Variants in SLC26A4 observed in about 807,000 individuals in gnomAD.
SLC26A4 encodes the protein pendrin.
Under a neutral mutation model 90.4 loss-of-function variants are expected in SLC26A4, and 93 were observed. The observed-to-expected ratio is 1.03, with a 90% confidence interval of 0.87 to 1.22. The LOEUF (loss-of-function observed/expected upper bound fraction) is 1.22. Ranked by LOEUF, SLC26A4 falls within the 50% of genes most tolerant of loss-of-function variation. The pLI, the probability that SLC26A4 is intolerant of heterozygous loss-of-function variation, is 0.00. For synonymous variants in SLC26A4, 393 were observed against 354.6 expected (o/e 1.11, Z -1.22); for missense variants, 1,127 against 946.2 (o/e 1.19, Z -2.51).
chr7:107,693,518 G>A lies in SLC26A4; in HGVS notation c.1264-885G>A, dbSNP rs956717807. 10 of 985,314 alleles carry A rather than the reference G, an allele frequency of 1.0e-5. 1 individual carries two copies. The South Asian group carries it at 2.3e-4, about 23-fold the overall frequency. 61.0% of individuals were successfully genotyped at this position (985,314 alleles called of 1,614,324 possible). Reference sequence around the variant, plus strand: ...TGTTTCCTCTCTGATTGCTTTGCTTGTAGTTCCCTGTCTCCTTTTCTTCTT... The same window carrying A: ...TGTTTCCTCTCTGATTGCTTTGCTTATAGTTCCCTGTCTCCTTTTCTTCTT... On this transcript the variant is annotated intron_variant, in intron 10 of 20. Transcript: ENST00000644269.
At chr7:107,686,632 C>T (rs1030285771) in intron 8 of SLC26A4, among the ~76,000 whole-genome samples, 1 of 151,968 alleles carries the variant, frequency 6.6e-6, no homozygotes, top group Non-Finnish European at 1.5e-5. Context: ...GGACAACAGG[C>T]ACACACTGCC....
At chr7:107,667,460 TTAAAA>T (rs1790747410) in intron 3 of SLC26A4, among the ~76,000 whole-genome samples, 1 of 26,426 alleles carries the variant, frequency 3.8e-5, no homozygotes, top group Admixed American at 6.9e-4. Flanking sequence ...GAGAGAAGGT[TTAAAA>T]AAAAAAAAAA....
chr7:107,674,164 G>T lies in SLC26A4; in HGVS notation c.416G>T (p.Gly139Val), dbSNP rs756272252. The stretch of plus-strand genomic sequence containing the variant: ...ATTGTTAGAGACTTTTTTTCCCCAG[G>T]ACCTTTTCCAGTGGTGAGTTTAATG... ...IFGTSRHISV[G>V]PFPVVSLMVG... The change falls in exon 5 of 21, where the codon GGA becomes GTA. Residue 139 changes from glycine to valine, a missense_variant and splice_region_variant. Transcript: ENST00000644269. The T allele has an allele frequency of 8.1e-6, 13 of 1,613,654 alleles. No homozygotes were observed. In the South Asian group the frequency reaches 1.4e-4, roughly 18 times the overall value.
At chr7:107,694,818 C>A in intron 12 of SLC26A4, 102 bp downstream of exon 12, 1 of 821,494 alleles carries the variant, frequency 1.2e-6, no homozygotes, top group Non-Finnish European at 2.1e-6. Context: ...CTCACTTGTG[C>A]TTTGGGAACT....
intron 13 of SLC26A4, 130 bp downstream of exon 13, chr7:107,696,169 A>G: frequency 1.4e-6 from 1 of 740,614 alleles, no homozygotes; most frequent in East Asian, 2.5e-5. Context: ...GCTTCTATGC[A>G]TTAAGCAGAC....
chr7:107,674,618 C>T (rs766025277), intron 5 of SLC26A4, among the ~76,000 whole-genome samples: 7 of 152,050 alleles, frequency 4.6e-5, no homozygotes, highest in East Asian at 1.9e-4. Flanking sequence ...GGGAAATATA[C>T]GGGAATCCAT....
intron 8 of SLC26A4, among the ~76,000 whole-genome samples, chr7:107,686,645 G>GC (rs2129315346): frequency 6.6e-6 from 1 of 151,884 alleles, no homozygotes; most frequent in South Asian, 2.1e-4. Flanking sequence ...ACACTGCCAT[G>GC]CCTGGCTAAT....
chr7:107,673,475 T>A (rs1043081208), intron 4 of SLC26A4, among the ~76,000 whole-genome samples: 10 of 151,922 alleles, frequency 6.6e-5, no homozygotes, highest in Non-Finnish European at 1.5e-5. Context: ...AGGAAATTAA[T>A]GAGATTATAT....
intron 18 of SLC26A4, among the ~76,000 whole-genome samples, chr7:107,709,515 G>T (rs569027363): frequency 6.6e-6 from 1 of 151,996 alleles, no homozygotes; most frequent in Non-Finnish European, 1.5e-5. Flanking sequence ...TGCCCTCCTC[G>T]GCCTCTCAAA....
chr7:107,675,553 C>A (rs1791002608), intron 6 of SLC26A4, among the ~76,000 whole-genome samples: 2 of 150,040 alleles, frequency 1.3e-5, no homozygotes, highest in Admixed American at 1.3e-4. Flanking sequence ...TCTGGGAGCA[C>A]CCACATTTCT....
At chr7:107,668,271 A>C (rs1468203356) in intron 3 of SLC26A4, among the ~76,000 whole-genome samples, 1 of 152,102 alleles carries the variant, frequency 6.6e-6, no homozygotes, top group Admixed American at 6.5e-5. Context: ...AATTCCATGG[A>C]ATCTGTGTGG....
chr7:107,685,218 G>A (rs938190699), intron 8 of SLC26A4, among the ~76,000 whole-genome samples: 11 of 152,108 alleles, frequency 7.2e-5, no homozygotes, highest in African/African-American at 1.2e-4. Context: ...AACACTTGTT[G>A]AAGGAATAAA....
Position 107,689,188 on chromosome 7 carries a change from C to A in SLC26A4, c.1137C>A (p.Ile379=). The change falls in exon 9 of 21, where the codon ATC becomes ATA. Residue 379 remains isoleucine (I), a synonymous_variant. Coordinates refer to ENST00000644269, the MANE Select transcript of SLC26A4 (RefSeq NM_000441.2). ...KVYATKYDYT[I]DGNQEFIAFG... The stretch of plus-strand genomic sequence containing the variant: ...ATGCCACCAAGTATGATTACACCAT[C>A]GATGGGAACCAGGTATGGGTGCCCT... 1 of 1,613,538 alleles carries A rather than the reference C, an allele frequency of 6.2e-7. No homozygotes were observed. The highest frequency in any genetic ancestry group is 8.5e-7 in the Non-Finnish European group (1 of 1,179,682).
intron 3 of SLC26A4, among the ~76,000 whole-genome samples, chr7:107,668,188 C>A (rs1285872867): frequency 2.6e-5 from 4 of 151,788 alleles, no homozygotes; most frequent in African/African-American, 9.7e-5. Flanking sequence ...TGAGGTCAGC[C>A]AAATTGGGGT....
chr7:107,683,465 C>T lies in SLC26A4; in HGVS notation c.929C>T (p.Ala310Val), dbSNP rs540008835. Reference sequence around the variant, plus strand: ...TTTGTTTTATTTCAGACGATAATTGCTACTGCCATTTCATATGGAGCCAAC... The same window carrying T: ...TTTGTTTTATTTCAGACGATAATTGTTACTGCCATTTCATATGGAGCCAAC... ...IPIEVIVTII[A>V]TAISYGANLE... Residue 310 changes from alanine to valine, a missense_variant, in exon 8 of 21, where the codon GCT (alanine) becomes GTT (valine). Ala to Val is a moderately conservative substitution (Grantham distance 64). Coordinates refer to ENST00000644269, the MANE Select transcript of SLC26A4 (RefSeq NM_000441.2). 51 of 1,613,678 alleles carry T rather than the reference C, an allele frequency of 3.2e-5. No individual in the cohort carries two copies. In the Admixed American group the frequency reaches 7.5e-4, roughly 24 times the overall value.
chr7:107,716,723 A>G lies in SLC26A4; in HGVS notation c.*1277A>G, dbSNP rs560359006. On this transcript the variant is annotated 3_prime_UTR_variant, in exon 21 of 21. Coordinates refer to ENST00000644269, the MANE Select transcript of SLC26A4 (RefSeq NM_000441.2). The stretch of plus-strand genomic sequence containing the variant: ...TGTACTTCATTTCTAGAGAAAAGTT[A>G]TACCCAGGTCCCCAATTGAGAATGT... 3.3e-5 allele frequency: 5 copies of G among 152,298 alleles called. No homozygotes were observed. In the South Asian group the frequency reaches 8.3e-4, roughly 25 times the overall value. 9.4% of individuals were successfully genotyped at this position (152,298 alleles called of 1,614,324 possible). A position where few individuals can be genotyped will look rare whatever the true frequency, so the allele number is the denominator to read the frequency against.
intron 3 of SLC26A4, among the ~76,000 whole-genome samples, chr7:107,669,063 T>C (rs1259282987): frequency 6.6e-6 from 1 of 152,134 alleles, no homozygotes; most frequent in Non-Finnish European, 1.5e-5. Context: ...GTTCAAACTA[T>C]CCTTGTGCCT....
intron 5 of SLC26A4, 35 bp downstream of exon 5, chr7:107,674,383 A>G: frequency 6.9e-7 from 1 of 1,450,868 alleles, no homozygotes; most frequent in Non-Finnish European, 9.7e-7. Context: ...AGATGGATGT[A>G]ATTTTTATTT....
intron 2 of SLC26A4, among the ~76,000 whole-genome samples, 193 bp from the exon 3 acceptor site, chr7:107,663,103 T>C (rs1480731233): frequency 6.6e-6 from 1 of 151,990 alleles, no homozygotes; most frequent in African/African-American, 2.4e-5. Context: ...TCTAGAAGAG[T>C]GCATTTAAAA....
Sources: gnomAD v4.1 joint callset for allele counts (sites outside exome capture counted in the v4.1 genomes callset) on GRCh38, gnomAD v4.1.1 for gene constraint, MANE v1.5 for transcripts, NCBI Gene and HGNC (gene_info 2026-07-23, HGNC 2026-07-21) for gene names.